Variants in IFT81 observed in about 807,000 individuals in gnomAD.
IFT81 encodes the protein intraflagellar transport protein 81 homolog.
Under a neutral mutation model 102.6 loss-of-function variants are expected in IFT81, and 72 were observed. The ratio of observed to expected loss-of-function variants is 0.70; its 90% CI spans 0.58 to 0.85. The LOEUF (loss-of-function observed/expected upper bound fraction) is 0.85, where lower values mean the gene tolerates loss of function less well. Among genes scored for constraint, IFT81 ranks in the 40% least tolerant of loss-of-function variants. IFT81 has a pLI of 0.00. For missense variants in IFT81, 723 were observed against 787.3 expected (o/e 0.92, Z 0.98); for synonymous variants, 237 against 242.7 (o/e 0.98, Z 0.22).
intron 11 of IFT81, among the ~76,000 whole-genome samples, chr12:110,166,007 G>A (rs1369508353): frequency 6.6e-6 from 1 of 152,190 alleles, no homozygotes; most frequent in African/African-American, 2.4e-5. Context: ...GGTTGTTTGA[G>A]TGCAAATCCT....
rs1242518543 is a variant in IFT81, at chr12:110,205,589, A to G, written c.1717-6A>G. On this transcript the variant is annotated splice_polypyrimidine_tract_variant and splice_region_variant and intron_variant, in intron 16 of 18. Transcript: ENST00000242591. Reference sequence around the variant, plus strand: ...TCTTCCCTAAAACTGAAGTCTTTCTATTTAGAACCTAGAAGTTCAACTTCG... The same window carrying G: ...TCTTCCCTAAAACTGAAGTCTTTCTGTTTAGAACCTAGAAGTTCAACTTCG... 1.9e-6 allele frequency: 3 copies of G among 1,598,386 alleles called. No individual in the cohort carries two copies. The highest frequency in any genetic ancestry group is 2.6e-6 in the Non-Finnish European group (3 of 1,174,994).
chr12:110,201,806 C>T (rs754447584), intron 14 of IFT81, among the ~76,000 whole-genome samples: 1 of 152,000 alleles, frequency 6.6e-6, no homozygotes, highest in East Asian at 1.9e-4. Context: ...GCCTACACAG[C>T]GTCAGGGTAA....
chr12:110,203,779 G>T, intron 14 of IFT81, 85 bp from the exon 15 acceptor site: 1 of 837,744 alleles, frequency 1.2e-6, no homozygotes, highest in Admixed American at 1.9e-5. Flanking sequence ...TAAGTTACAA[G>T]ACTGACAAGG....
chr12:110,148,405 G>A (rs1300706727), intron 10 of IFT81, among the ~76,000 whole-genome samples: 3 of 151,182 alleles, frequency 2.0e-5, no homozygotes, highest in African/African-American at 7.3e-5. Flanking sequence ...ATTGCTCATT[G>A]CTTATCCATT....
chr12:110,168,971 T>A (rs1170398012), intron 11 of IFT81: 1 of 152,166 alleles, frequency 6.6e-6, no homozygotes, highest in Non-Finnish European at 1.5e-5. Context: ...GTGCTTTATG[T>A]CGAGCTCCTG....
chr12:110,170,941 A>G (rs954746155), intron 11 of IFT81, among the ~76,000 whole-genome samples: 4 of 152,250 alleles, frequency 2.6e-5, no homozygotes, highest in Admixed American at 6.5e-5. Context: ...GAGAAGCACA[A>G]TGAAGATAAG....
chr12:110,131,164 C>A (rs1447277211), intron 4 of IFT81, among the ~76,000 whole-genome samples: 1 of 151,942 alleles, frequency 6.6e-6, no homozygotes, highest in Non-Finnish European at 1.5e-5. Context: ...AGCTTGTAGT[C>A]CCAATTACTT....
At chr12:110,136,097 T>C (rs1894492790) in intron 7 of IFT81, among the ~76,000 whole-genome samples, 1 of 152,142 alleles carries the variant, frequency 6.6e-6, no homozygotes, top group Non-Finnish European at 1.5e-5. Context: ...CCATTCTTTT[T>C]ATTCCAGTGA....
chr12:110,128,204 T>G, intron 3 of IFT81, 55 bp downstream of exon 3: 1 of 1,043,356 alleles, frequency 9.6e-7, no homozygotes, highest in Non-Finnish European at 1.5e-6. Context: ...TATCCAAACC[T>G]TCATATACTG....
chr12:110,172,251 GA>G (rs1477533246), intron 11 of IFT81, among the ~76,000 whole-genome samples: 1 of 152,118 alleles, frequency 6.6e-6, no homozygotes, highest in Non-Finnish European at 1.5e-5. Context: ...CCAACGTGAT[GA>G]AACCCTGTCT....
intron 18 of IFT81, among the ~76,000 whole-genome samples, chr12:110,211,359 G>A (rs1354771734): frequency 1.3e-5 from 2 of 151,688 alleles, no homozygotes; most frequent in African/African-American, 4.8e-5. Context: ...TAGTTTTTTT[G>A]GAGAACTAGA....
At position 110,127,525 on chromosome 12, in the gene IFT81, G is replaced by C. The variant is rs1401192948; in HGVS notation, c.144+1G>C. The C allele has an allele frequency of 6.3e-7, 1 of 1,585,904 alleles. No individual in the cohort carries two copies. The highest frequency in any genetic ancestry group is 8.5e-7 in the Non-Finnish European group (1 of 1,171,724). On this transcript the variant is annotated splice_donor_variant, in intron 2 of 18. Transcript: ENST00000242591. LOFTEE classifies it high-confidence loss of function. ...TGTTCTGGCTGAGATTGACCCAAAG[G>C]TAAGAGTTTTCTCTTTCTTTTTGAT...
chr12:110,128,877 G>T, intron 3 of IFT81, 73 bp from the exon 4 acceptor site: 32 of 998,426 alleles, frequency 3.2e-5, no homozygotes, highest in East Asian at 1.6e-4. Flanking sequence ...ATCAGATTTT[G>T]AGAAAATGCT....
chr12:110,147,034 C>T lies in IFT81; in HGVS notation c.1027C>T (p.Leu343=), dbSNP rs544592519. 6.7e-5 allele frequency: 108 copies of T among 1,609,270 alleles called. 1 individual carries two copies. The South Asian group carries it at 1.2e-3, about 17-fold the overall frequency. The change falls in exon 10 of 19, where the codon CTG becomes TTG. Residue 343 remains leucine, a synonymous_variant. Transcript: ENST00000242591. ...RNEPIEGKLS[L]YRQQASIISR... is the part of the protein sequence containing the mutation. Reference sequence around the variant, plus strand: ...TGAGCCCATTGAAGGCAAACTCTCACTGTATAGGCAACAGGTAAGAACATT... The same window carrying T: ...TGAGCCCATTGAAGGCAAACTCTCATTGTATAGGCAACAGGTAAGAACATT...
intron 14 of IFT81, among the ~76,000 whole-genome samples, chr12:110,200,656 C>T (rs987187793): frequency 2.0e-5 from 3 of 151,786 alleles, no homozygotes; most frequent in Non-Finnish European, 4.4e-5. Flanking sequence ...CTTAGCTTAC[C>T]GTAGCTTTCT....
intron 10 of IFT81, among the ~76,000 whole-genome samples, chr12:110,158,455 C>A (rs998884789): frequency 2.0e-5 from 3 of 151,834 alleles, no homozygotes; most frequent in African/African-American, 7.3e-5. Flanking sequence ...AAACTGGTTT[C>A]AAACTCCTGG....
At chr12:110,203,989 C>A (rs961622699) in intron 15 of IFT81, 39 bp downstream of exon 15, 2 of 1,333,826 alleles carry the variant, frequency 1.5e-6, no homozygotes, top group Non-Finnish European at 2.1e-6. Context: ...TTAGCAAAAA[C>A]TACCTGTGTG....
intron 11 of IFT81, among the ~76,000 whole-genome samples, chr12:110,174,570 C>A (rs1217516266): frequency 6.6e-6 from 1 of 151,932 alleles, no homozygotes; most frequent in Non-Finnish European, 1.5e-5. Flanking sequence ...CATTTTCATG[C>A]CAGATATTGA....
intron 8 of IFT81, among the ~76,000 whole-genome samples, chr12:110,141,941 T>C (rs1052475247): frequency 2.6e-5 from 4 of 152,154 alleles, no homozygotes; most frequent in African/African-American, 9.7e-5. Context: ...TGGAAAGATA[T>C]GAAATAAACT....
Sources: allele counts gnomAD v4.1 joint callset (sites outside exome capture counted in the v4.1 genomes callset), GRCh38; gene constraint gnomAD v4.1.1; transcripts MANE v1.5; gene names NCBI Gene and HGNC (gene_info 2026-07-23, HGNC 2026-07-21).